Variants in UMODL1 observed in about 807,000 individuals in gnomAD.
The protein encoded by UMODL1 is uromodulin like 1.
A neutral mutation model predicts 136.3 loss-of-function variants in UMODL1; 128 were observed. That is an observed-to-expected ratio of 0.94 (90% CI 0.81 to 1.09). The LOEUF (loss-of-function observed/expected upper bound fraction) is 1.09, where lower values mean the gene tolerates loss of function less well. Ranked by LOEUF, UMODL1 falls within the 50% of genes least tolerant of loss-of-function variation. The probability of loss-of-function intolerance (pLI) is 0.00; values close to 1 mark genes in which losing one functional copy is unlikely to be tolerated. For synonymous variants in UMODL1, 721 were observed against 720.0 expected, an observed-to-expected ratio of 1.00 and a Z score of -0.02; for missense variants, 1,766 against 1,725.6, an observed-to-expected ratio of 1.02 and a Z score of -0.41.
chr21:42,087,437 G>A (rs1408219854), intron 4 of UMODL1, among the ~76,000 whole-genome samples: 2 of 152,202 alleles, frequency 1.3e-5, no homozygotes, highest in Non-Finnish European at 2.9e-5. Flanking sequence ...TTGTTCTGGT[G>A]ACCACTGGTC....
At chr21:42,082,236 G>C (rs538462049) in intron 2 of UMODL1, among the ~76,000 whole-genome samples, 1 of 152,188 alleles carries the variant, frequency 6.6e-6, no homozygotes, top group Non-Finnish European at 1.5e-5. Flanking sequence ...AGCCAGGGCC[G>C]CCACCTCTTT....
intron 8 of UMODL1, 44 bp from the exon 9 acceptor site, chr21:42,103,824 G>C: frequency 6.2e-7 from 1 of 1,607,588 alleles, no homozygotes; most frequent in Non-Finnish European, 8.5e-7. Flanking sequence ...CTTAATGGTC[G>C]TGAAGACGTT....
intron 2 of UMODL1, among the ~76,000 whole-genome samples, chr21:42,077,052 TGTG>T (rs2066302476): frequency 1.4e-5 from 2 of 143,852 alleles, no homozygotes; most frequent in South Asian, 4.3e-4. Context: ...TGTGTGTGTG[TGTG>T]TGTGTGTGTG....
intron 13 of UMODL1, 109 bp downstream of exon 13, chr21:42,113,939 A>G: frequency 8.4e-6 from 12 of 1,422,136 alleles, no homozygotes; most frequent in Non-Finnish European, 1.1e-5. Flanking sequence ...GCTAGGTGTC[A>G]TTGTTCTTCT....
At chr21:42,106,504 C>T (rs900133070) in intron 9 of UMODL1, among the ~76,000 whole-genome samples, 3 of 152,218 alleles carry the variant, frequency 2.0e-5, no homozygotes, top group Non-Finnish European at 2.9e-5. Context: ...AGGCGCTGTT[C>T]GCCCGTGGAG....
chr21:42,121,775 T>C (rs1182523019), intron 16 of UMODL1, among the ~76,000 whole-genome samples: 1 of 152,050 alleles, frequency 6.6e-6, no homozygotes, highest in Non-Finnish European at 1.5e-5. Context: ...CTGCTTGAGG[T>C]AGAATCAGGA....
chr21:42,097,127 T>C (rs1390713832), intron 6 of UMODL1, among the ~76,000 whole-genome samples: 3 of 152,234 alleles, frequency 2.0e-5, no homozygotes, highest in Non-Finnish European at 2.9e-5. Context: ...AATGAATCCA[T>C]GTCTGTTTCC....
intron 19 of UMODL1, 62 bp downstream of exon 19, chr21:42,127,304 TA>T (rs1569175645): frequency 1.4e-6 from 2 of 1,467,478 alleles, no homozygotes; most frequent in Non-Finnish European, 1.9e-6. Context: ...TAACAATAGG[TA>T]GGGCTCAAGA....
chr21:42,126,562 G>A, intron 18 of UMODL1, 72 bp downstream of exon 18: 1 of 1,603,898 alleles, frequency 6.2e-7, no homozygotes, highest in Non-Finnish European at 8.5e-7. Flanking sequence ...GAGTTCTTTA[G>A]GGTGTCAACC....
At position 42,085,388 on chromosome 21, in the gene UMODL1, C is replaced by G. The variant is rs1401842150; in HGVS notation, c.579C>G (p.Asn193Lys). The change falls in exon 4 of 23, where the codon AAC becomes AAG. Residue 193 changes from asparagine (N) to lysine (K), a missense_variant. By Grantham distance (94) the Asn-to-Lys change is moderately conservative. Transcript: ENST00000408910. The surrounding 1 kb of genome is among the most constrained non-coding windows in gnomAD (Gnocchi z 4.5). The stretch of plus-strand genomic sequence containing the variant: ...AGCAAGTGGACCCCAGGCTCCTGAA[C>G]CACATGCGCCTTCTGCATTCCTTGG... ...ELQQVDPRLL[N>K]HMRLLHSLVT... 1.2e-6 allele frequency: 2 copies of G among 1,614,020 alleles called. No homozygotes were observed. The highest frequency in any genetic ancestry group is 1.7e-6 in the Non-Finnish European group (2 of 1,179,974).
At chr21:42,077,396 A>G (rs756047117) in intron 2 of UMODL1, among the ~76,000 whole-genome samples, 33 of 152,112 alleles carry the variant, frequency 2.2e-4, no homozygotes, top group Non-Finnish European at 4.0e-4. Flanking sequence ...AAATTCTCTC[A>G]GCCCCGAAGA....
In UMODL1 at chr21:42,111,546, C is replaced by T. The variant is rs2066830705; in HGVS notation, c.1940C>T (p.Ser647Phe). Reference sequence around the variant, plus strand: ...ATCATGGAGCCACCCTCCTGGCCTTCCCCTACTGAGGACCCCACCGGCCAC... The same window carrying T: ...ATCATGGAGCCACCCTCCTGGCCTTTCCCTACTGAGGACCCCACCGGCCAC... Reference protein sequence around the residue: ...NSIMEPPSWPSPTEDPTGHFL... With the variant: ...NSIMEPPSWPFPTEDPTGHFL... Residue 647 changes from serine (S) to phenylalanine (F), a missense_variant, in exon 12 of 23, where the codon TCC (serine) becomes TTC (phenylalanine). Coordinates refer to ENST00000408910, the MANE Select transcript of UMODL1 (RefSeq NM_001004416.3). 1 of 1,613,982 alleles carries T rather than the reference C, an allele frequency of 6.2e-7. No individual in the cohort carries two copies. Among genetic ancestry groups the T allele is most frequent in the African/African-American group, 1.3e-5 (1 of 74,930 alleles).
intron 19 of UMODL1, 120 bp downstream of exon 19, chr21:42,127,362 G>A (rs973282474): frequency 2.0e-6 from 2 of 1,008,444 alleles, no homozygotes; most frequent in African/African-American, 3.2e-5. Flanking sequence ...ATTAACAATA[G>A]GTAGGGCTCA....
chr21:42,126,886 G>T, intron 18 of UMODL1, 120 bp from the exon 19 acceptor site: 1 of 863,840 alleles, frequency 1.2e-6, no homozygotes, highest in Non-Finnish European at 1.9e-6. Flanking sequence ...GGTTGAGGGG[G>T]TCTTCTCGTT....
rs2066991467 is a variant in UMODL1 at position 42,122,676 on chromosome 21, T to TGC, written c.2828-154_2828-153insCG. Among the ~76,000 whole-genome samples, 1 of 151,054 alleles carries TGC rather than the reference T, an allele frequency of 6.6e-6. No homozygotes were observed. Among genetic ancestry groups the TGC allele is most frequent in the Admixed American group, 6.6e-5 (1 of 15,196 alleles). On this transcript the variant is annotated intron_variant, in intron 16 of 22. Coordinates refer to ENST00000408910, the MANE Select transcript of UMODL1 (RefSeq NM_001004416.3). The surrounding 1 kb of genome is among the most constrained non-coding windows in gnomAD (Gnocchi z 4.3). ...GCATATGTGTGCGTGTGTGTGTGTG[T>TGC]GTGTGCACGTGTGTAGTTGTGGCTG... is the stretch of plus-strand genomic sequence containing the variant.
intron 18 of UMODL1, 68 bp from the exon 19 acceptor site, chr21:42,126,938 G>A: frequency 3.2e-6 from 4 of 1,257,478 alleles, no homozygotes; most frequent in Non-Finnish European, 4.7e-6. Flanking sequence ...GGGGAGAAGT[G>A]GGAATGGGAG....
At chr21:42,094,133 A>G (rs2066525461) in intron 6 of UMODL1, 1 of 364,434 alleles carries the variant, frequency 2.7e-6, no homozygotes, top group Non-Finnish European at 5.5e-6. Context: ...TGCTTGGCAC[A>G]GTGAACTGCC....
intron 2 of UMODL1, among the ~76,000 whole-genome samples, chr21:42,078,960 C>G (rs1017544296): frequency 6.6e-6 from 1 of 152,232 alleles, no homozygotes; most frequent in Non-Finnish European, 1.5e-5. Flanking sequence ...TGCAACAACT[C>G]CACTCCTAGG....
At chr21:42,110,587 C>G (rs978664301) in intron 10 of UMODL1, among the ~76,000 whole-genome samples, 6 of 152,206 alleles carry the variant, frequency 3.9e-5, no homozygotes, top group Admixed American at 3.3e-4. Flanking sequence ...CTATGAGAAC[C>G]AAGCCCTGCA....
Sources: gnomAD v4.1 joint callset for allele counts (sites outside exome capture counted in the v4.1 genomes callset) on GRCh38, gnomAD v4.1.1 for gene constraint, Gnocchi (gnomAD v3.1) non-coding constraint, MANE v1.5 for transcripts, NCBI Gene and HGNC (gene_info 2026-07-23, HGNC 2026-07-21) for gene names.